The following ERCC6L2 variants were observed in gnomAD, a reference collection of about 807,000 sequenced individuals.
ERCC6L2 encodes the protein ERCC excision repair 6 like 2.
In ERCC6L2, 77 loss-of-function variants were observed where a neutral mutation model predicts 132.0. That is an observed-to-expected ratio of 0.58 (90% CI 0.49 to 0.71). The LOEUF is 0.71. Ranked by LOEUF, ERCC6L2 falls within the 30% of genes least tolerant of loss-of-function variation. ERCC6L2 has a pLI of 0.00. For missense variants in ERCC6L2, 1,542 were observed against 1,837.6 expected (o/e 0.84, Z 2.94); for synonymous variants, 583 against 632.4 (o/e 0.92, Z 1.17).
At chr9:95,992,322 C>G (rs1357594374) in intron 17 of ERCC6L2, among the ~76,000 whole-genome samples, 1 of 152,128 alleles carries the variant, frequency 6.6e-6, no homozygotes, top group African/African-American at 2.4e-5. Flanking sequence ...TTGAGATTCT[C>G]AATAATTTTT....
intron 17 of ERCC6L2, among the ~76,000 whole-genome samples, chr9:95,994,074 C>G (rs913158199): frequency 3.3e-5 from 5 of 152,194 alleles, no homozygotes; most frequent in African/African-American, 1.2e-4. Context: ...TCTCCAGGCA[C>G]AAACCTTGAA....
chr9:95,959,127 C>G (rs1282278462), intron 13 of ERCC6L2, among the ~76,000 whole-genome samples: 3 of 151,968 alleles, frequency 2.0e-5, no homozygotes, highest in Non-Finnish European at 2.9e-5. Context: ...TGACTTCAAA[C>G]TATACTACAA....
At chr9:96,002,888 G>T (rs1188191345) in intron 17 of ERCC6L2, among the ~76,000 whole-genome samples, 2 of 152,046 alleles carry the variant, frequency 1.3e-5, no homozygotes, top group African/African-American at 4.8e-5. Context: ...CCTTTCTTTT[G>T]CAGGTCTCTG....
At chr9:95,998,764 A>T (rs968848429) in intron 17 of ERCC6L2, among the ~76,000 whole-genome samples, 8 of 152,228 alleles carry the variant, frequency 5.3e-5, no homozygotes, top group Non-Finnish European at 1.2e-4. Context: ...CTACAGAAGT[A>T]TAAGATAATG....
intron 4 of ERCC6L2, among the ~76,000 whole-genome samples, chr9:95,907,865 C>CAAACACA (rs1564212462): frequency 5.7e-5 from 2 of 35,314 alleles, no homozygotes; most frequent in South Asian, 1.1e-3. Flanking sequence ...ACCCCCACAC[C>CAAACACA]CACACACCCA....
In ERCC6L2 at chr9:95,930,947, C is replaced by T. The variant is rs550258844; in HGVS notation, c.1751+2083C>T. The stretch of plus-strand genomic sequence containing the variant: ...AAGGGTATTAATGTTTTCAATAAGC[C>T]CTGTACCAGTAACCGGTTATTGTCC... On this transcript the variant is annotated intron_variant, in intron 11 of 18. Transcript: ENST00000653738. Among the ~76,000 whole-genome samples the T allele has an allele frequency of 2.0e-5, 3 of 152,164 alleles. No individual in the cohort carries two copies. In the South Asian group the frequency reaches 6.2e-4, roughly 32 times the overall value.
chr9:95,954,103 A>G (rs1831478624), intron 12 of ERCC6L2, among the ~76,000 whole-genome samples: 1 of 152,196 alleles, frequency 6.6e-6, no homozygotes, highest in South Asian at 2.1e-4. Context: ...GAGAAAGCTG[A>G]GGCACAGTGC....
intron 17 of ERCC6L2, among the ~76,000 whole-genome samples, chr9:95,979,756 A>G (rs552808087): frequency 6.6e-5 from 10 of 152,174 alleles, no homozygotes; most frequent in Non-Finnish European, 1.0e-4. Flanking sequence ...CAGCATTTCT[A>G]CAGTTTGACT....
At chr9:96,010,404 T>G (rs566159527) in intron 18 of ERCC6L2, among the ~76,000 whole-genome samples, 14 of 152,334 alleles carry the variant, frequency 9.2e-5, no homozygotes, top group African/African-American at 3.1e-4. Context: ...GCATTGAAGC[T>G]CCTACTAACA....
intron 11 of ERCC6L2, among the ~76,000 whole-genome samples, chr9:95,941,018 C>T (rs374674210): frequency 2.0e-5 from 3 of 151,982 alleles, no homozygotes; most frequent in African/African-American, 2.4e-5. Context: ...CAGAGTTTTA[C>T]GTTTATTTCC....
At chr9:95,943,265 G>GCT (rs2132890022) in intron 12 of ERCC6L2, among the ~76,000 whole-genome samples, 1 of 152,152 alleles carries the variant, frequency 6.6e-6, no homozygotes, top group South Asian at 2.1e-4. Flanking sequence ...TCAGAATAAG[G>GCT]GTAGAGGTGG....
intron 4 of ERCC6L2, among the ~76,000 whole-genome samples, chr9:95,913,168 G>A (rs1829422300): frequency 6.6e-6 from 1 of 152,094 alleles, no homozygotes; most frequent in Admixed American, 6.6e-5. Flanking sequence ...AGTAGTATTA[G>A]CACATACAAA....
chr9:96,032,690 C>G (rs1184749783), intron 19 of ERCC6L2, among the ~76,000 whole-genome samples: 1 of 152,184 alleles, frequency 6.6e-6, no homozygotes, highest in East Asian at 1.9e-4. Context: ...TCACCAGGAG[C>G]CCGGAGCTGG....
At chr9:95,995,491 G>A (rs958217441) in intron 17 of ERCC6L2, among the ~76,000 whole-genome samples, 1 of 152,158 alleles carries the variant, frequency 6.6e-6, no homozygotes, top group African/African-American at 2.4e-5. Context: ...TACTCTGGAA[G>A]AAGAAAGTTT....
intron 15 of ERCC6L2, 50 bp from the exon 16 acceptor site, chr9:95,971,883 A>G (rs1302854274): frequency 3.4e-6 from 4 of 1,182,812 alleles, no homozygotes; most frequent in Non-Finnish European, 4.4e-6. Context: ...AGTTGATTCC[A>G]CATTATATCT....
At chr9:95,928,309 A>T in intron 10 of ERCC6L2, 159 bp downstream of exon 10, 1 of 486,748 alleles carries the variant, frequency 2.1e-6, no homozygotes, top group Non-Finnish European at 3.6e-6. Flanking sequence ...AACAGACACT[A>T]AAATTTCAAT....
At chr9:95,918,245 G>A (rs1006655933) in intron 6 of ERCC6L2, 2 of 441,040 alleles carry the variant, frequency 4.5e-6, no homozygotes, top group Non-Finnish European at 9.1e-6. Context: ...ACCATTGCAG[G>A]TCTGGCTGGA....
intron 2 of ERCC6L2, among the ~76,000 whole-genome samples, chr9:95,887,238 C>T (rs566717233): frequency 6.6e-6 from 1 of 152,282 alleles, no homozygotes; most frequent in South Asian, 2.1e-4. Context: ...TCAAAGAAGA[C>T]TCCACAGGGA....
In ERCC6L2 at chr9:95,970,374, G is replaced by A. The variant is rs79424565; in HGVS notation, c.2101-202G>A. 6.9e-4 allele frequency among the ~76,000 whole-genome samples: 105 copies of A among 152,162 alleles called. 1 individual carries two copies. In the East Asian group the frequency reaches 0.018, roughly 26 times the overall value. On this transcript the variant is annotated intron_variant, in intron 14 of 18. Coordinates refer to ENST00000653738, the MANE Select transcript of ERCC6L2 (RefSeq NM_020207.7). Reference sequence around the variant, plus strand: ...GTAAACTTTAACACAAGAATTAAGAGTATTTTTAGAATGTTATATAAATGT... The same window carrying A: ...GTAAACTTTAACACAAGAATTAAGAATATTTTTAGAATGTTATATAAATGT...
Sources: gnomAD v4.1 joint callset for allele counts (sites outside exome capture counted in the v4.1 genomes callset) on GRCh38, gnomAD v4.1.1 for gene constraint, MANE v1.5 for transcripts, NCBI Gene and HGNC (gene_info 2026-07-23, HGNC 2026-07-21) for gene names.